The following FHOD3 variants were observed in gnomAD, a reference collection of about 807,000 sequenced individuals.
FHOD3 encodes FH1/FH2 domain-containing protein 3.
FHOD3 carries 90 observed loss-of-function variants against 173.0 expected under a neutral mutation model. The observed-to-expected ratio is 0.52, with a 90% CI of 0.44 to 0.62. The LOEUF is 0.62. Ranked by LOEUF, FHOD3 falls within the 20% of genes least tolerant of loss-of-function variation. The probability of loss-of-function intolerance (pLI) is 0.00; values close to 1 mark genes in which losing one functional copy is unlikely to be tolerated. For synonymous variants in FHOD3, 828 were observed against 823.0 expected (o/e 1.01, Z -0.10); for missense variants, 1,945 against 2,034.7 (o/e 0.96, Z 0.85).
intron 18 of FHOD3, among the ~76,000 whole-genome samples, chr18:36,714,057 GA>G (rs1383300179): frequency 4.6e-5 from 7 of 151,458 alleles, no homozygotes; most frequent in Admixed American, 2.0e-4. Flanking sequence ...ACGAAAGGAA[GA>G]AAAAAAAGTT....
intron 23 of FHOD3, among the ~76,000 whole-genome samples, chr18:36,746,520 C>T (rs1349107892): frequency 6.6e-6 from 1 of 152,112 alleles, no homozygotes; most frequent in African/African-American, 2.4e-5. Flanking sequence ...TTAGTTGGTC[C>T]CCAGCATAGC....
chr18:36,625,372 G>T, intron 9 of FHOD3, 139 bp from the exon 10 acceptor site: 1 of 685,160 alleles, frequency 1.5e-6, no homozygotes, highest in South Asian at 5.1e-5. Flanking sequence ...GTGAAGACCT[G>T]GCAGGGAAGC....
At chr18:36,384,765 C>T (rs778626522) in intron 3 of FHOD3, among the ~76,000 whole-genome samples, 22 of 152,184 alleles carry the variant, frequency 1.4e-4, no homozygotes, top group Non-Finnish European at 2.5e-4. Context: ...TTACTCACCC[C>T]TTGGAGACCT....
chr18:36,474,124 T>TA lies in FHOD3; in HGVS notation c.338-27807dup, dbSNP rs149278608. Among the ~76,000 whole-genome samples, 333 of 152,184 alleles carry TA rather than the reference T, an allele frequency of 2.2e-3. 1 individual carries two copies. Among genetic ancestry groups the TA allele is most frequent in the African/African-American group, 7.5e-3 (309 of 41,428 alleles). ...AGAAAACAACATTCCTTCTACTACT[T>TA]ATGCATCATAGAACAGTAAGAAGAC... On this transcript the variant is annotated intron_variant, in intron 3 of 28. Coordinates refer to ENST00000590592, the MANE Select transcript of FHOD3 (RefSeq NM_001281740.3).
At chr18:36,392,078 C>G (rs997026218) in intron 3 of FHOD3, among the ~76,000 whole-genome samples, 1 of 152,260 alleles carries the variant, frequency 6.6e-6, no homozygotes, top group Admixed American at 6.5e-5. Flanking sequence ...TTGGAGCTGG[C>G]CCTCCTGGTT....
intron 27 of FHOD3, among the ~76,000 whole-genome samples, chr18:36,766,644 A>G (rs2043150749): frequency 6.6e-6 from 1 of 152,212 alleles, no homozygotes; most frequent in Non-Finnish European, 1.5e-5. Flanking sequence ...ATAAAGTAGA[A>G]CCAGGAATGA....
chr18:36,682,736 C>T (rs2038336675), intron 15 of FHOD3, among the ~76,000 whole-genome samples: 2 of 152,126 alleles, frequency 1.3e-5, no homozygotes, highest in African/African-American at 4.8e-5. Flanking sequence ...GCCACACCAC[C>T]ACGCCTGGCT....
chr18:36,355,762 A>C, intron 2 of FHOD3, 117 bp downstream of exon 2: 36 of 786,476 alleles, frequency 4.6e-5, no homozygotes, highest in Middle Eastern at 3.7e-4. Flanking sequence ...CTTAATTCTC[A>C]ATCACACACG....
At chr18:36,341,953 A>G (rs1026015552) in intron 1 of FHOD3, among the ~76,000 whole-genome samples, 1 of 152,268 alleles carries the variant, frequency 6.6e-6, no homozygotes, top group Non-Finnish European at 1.5e-5. Flanking sequence ...ATGATCAGAT[A>G]TAATCTCTGA....
chr18:36,762,594 C>G (rs935243166), intron 27 of FHOD3, among the ~76,000 whole-genome samples: 4 of 152,054 alleles, frequency 2.6e-5, no homozygotes, highest in African/African-American at 9.7e-5. Context: ...GTCAGGAGTT[C>G]AAGACCAGTC....
chr18:36,309,590 C>T (rs548704804), intron 1 of FHOD3, among the ~76,000 whole-genome samples: 16 of 152,280 alleles, frequency 1.1e-4, no homozygotes, highest in African/African-American at 3.6e-4. Flanking sequence ...TGTGAATCAC[C>T]AGACACCGGC....
At chr18:36,325,680 C>T (rs768315238) in intron 1 of FHOD3, among the ~76,000 whole-genome samples, 1 of 152,238 alleles carries the variant, frequency 6.6e-6, no homozygotes, top group East Asian at 1.9e-4. Context: ...AGCTCCTTTT[C>T]CTCTCTCTTT....
At chr18:36,462,169 A>G (rs1295297224) in intron 3 of FHOD3, among the ~76,000 whole-genome samples, 1 of 152,142 alleles carries the variant, frequency 6.6e-6, no homozygotes, top group Non-Finnish European at 1.5e-5. Context: ...GGGTGAGTAG[A>G]CTTACCCACC....
intron 14 of FHOD3, among the ~76,000 whole-genome samples, chr18:36,674,736 G>T (rs2037738144): frequency 6.6e-6 from 1 of 152,188 alleles, no homozygotes; most frequent in Non-Finnish European, 1.5e-5. Flanking sequence ...AACTGAGACA[G>T]TGAGGGGAGC....
intron 14 of FHOD3, among the ~76,000 whole-genome samples, chr18:36,665,407 A>G (rs1041540743): frequency 1.3e-5 from 2 of 152,244 alleles, no homozygotes; most frequent in Non-Finnish European, 2.9e-5. Context: ...TTTCCACTGC[A>G]GTGAATGCTG....
intron 3 of FHOD3, among the ~76,000 whole-genome samples, chr18:36,496,787 T>C (rs1408555728): frequency 6.6e-6 from 1 of 152,220 alleles, no homozygotes; most frequent in Non-Finnish European, 1.5e-5. Flanking sequence ...AGGTTTGCAG[T>C]AGTTCAAGAG....
At chr18:36,759,183 C>T (rs1016366794) in intron 26 of FHOD3, 42 bp downstream of exon 26, 1 of 1,523,650 alleles carries the variant, frequency 6.6e-7, no homozygotes, top group Middle Eastern at 1.7e-4. Context: ...CATTTTACCA[C>T]CTCATGTATG....
chr18:36,528,796 G>C (rs970124897), intron 5 of FHOD3, among the ~76,000 whole-genome samples: 5 of 152,212 alleles, frequency 3.3e-5, no homozygotes, highest in Non-Finnish European at 7.3e-5. Flanking sequence ...GCTGAACGAC[G>C]TTCGTTGTAC....
chr18:36,341,947 T>A (rs1397969331), intron 1 of FHOD3, among the ~76,000 whole-genome samples: 3 of 152,234 alleles, frequency 2.0e-5, no homozygotes, highest in East Asian at 1.9e-4. Context: ...AACAGAATGA[T>A]CAGATATAAT....
Sources: allele counts gnomAD v4.1 joint callset (sites outside exome capture counted in the v4.1 genomes callset), GRCh38; gene constraint gnomAD v4.1.1; transcripts MANE v1.5; gene names NCBI Gene and HGNC (gene_info 2026-07-23, HGNC 2026-07-21).